BCAS3: variants seen among roughly 807,000 people sequenced by gnomAD.
The protein encoded by BCAS3 is BCAS3 microtubule associated cell migration factor, also known as BCAS4/BCAS3 fusion.
Under a neutral mutation model 116.1 loss-of-function variants are expected in BCAS3, and 53 were observed. The ratio of observed to expected loss-of-function variants is 0.46; its 90% CI spans 0.37 to 0.57. The LOEUF is 0.57. BCAS3 is among the 20% of genes least tolerant of loss of function. BCAS3 has a pLI of 0.00. For synonymous variants in BCAS3, 391 were observed against 408.2 expected (o/e 0.96, Z 0.51); for missense variants, 917 against 1,165.4 (o/e 0.79, Z 3.10).
intron 9 of BCAS3, among the ~76,000 whole-genome samples, chr17:60,880,094 C>A (rs916173278): frequency 2.0e-5 from 3 of 152,150 alleles, no homozygotes; most frequent in African/African-American, 7.2e-5. Context: ...TCATTCTCTG[C>A]ACACAATTCT....
chr17:60,722,057 G>T (rs1231056937), intron 5 of BCAS3, among the ~76,000 whole-genome samples: 1 of 151,968 alleles, frequency 6.6e-6, no homozygotes, highest in Non-Finnish European at 1.5e-5. Context: ...TTGCTGTGTT[G>T]TATCTATCAT....
At chr17:60,821,624 T>G (rs2049977216) in intron 7 of BCAS3, 1 of 152,206 alleles carries the variant, frequency 6.6e-6, no homozygotes, top group Non-Finnish European at 1.5e-5. Flanking sequence ...ATGTACTCTT[T>G]TTTTGTCTAG....
rs1478808454 is a variant in BCAS3 at position 61,034,688 on chromosome 17, A to G, written c.1660A>G (p.Ile554Val). Residue 554 changes from isoleucine to valine, a missense_variant, in exon 17 of 24, where the codon ATT becomes GTT. Physicochemically the swap from Ile to Val is conservative, Grantham distance 29 (BLOSUM62 3). Transcript: ENST00000407086. This position sits in a 1 kb window ranked among gnomAD's most constrained non-coding sequence, Gnocchi z 5.0. ...RTGKVKPPPQ[I>V]SPSKSMGGEF... The stretch of plus-strand genomic sequence containing the variant: ...AAGCAAAGTTAAACCTCCTCCACAA[A>G]TTTCACCCAGCAAATCGATGGGCGG... 2 of 1,609,712 alleles carry G rather than the reference A, an allele frequency of 1.2e-6. No individual in the cohort carries two copies. The highest frequency in any genetic ancestry group is 8.5e-7 in the Non-Finnish European group (1 of 1,177,400).
At position 61,134,088 on chromosome 17, in the gene BCAS3, G is replaced by C. The variant is rs2076487927; in HGVS notation, c.2425+49524G>C. Among the ~76,000 whole-genome samples the C allele has an allele frequency of 6.6e-6, 1 of 152,100 alleles. No homozygotes were observed. The highest frequency in any genetic ancestry group is 2.1e-4 in the South Asian group (1 of 4,832). ...GAGTCATATACAAAAAGGGAGGAGA[G>C]GTAGAGTTGGCCTGATGTGGAAAAT... On this transcript the variant is annotated intron_variant, in intron 22 of 23. Coordinates refer to ENST00000407086, the MANE Select transcript of BCAS3 (RefSeq NM_017679.5). This position sits in a 1 kb window ranked among gnomAD's most constrained non-coding sequence, Gnocchi z 4.6.
At chr17:61,154,002 G>A (rs7210145) in intron 22 of BCAS3, among the ~76,000 whole-genome samples, 130,784 of 152,214 alleles carry the variant, frequency 0.86, 59,649 homozygotes, top group East Asian at 1. Context: ...AAATTAAGAG[G>A]ATGGAGAAAA....
At chr17:60,986,344 C>T (rs146705969) in intron 14 of BCAS3, among the ~76,000 whole-genome samples, 3 of 152,060 alleles carry the variant, frequency 2.0e-5, no homozygotes, top group African/African-American at 7.2e-5. Flanking sequence ...TCCTTTCTTT[C>T]GAGTATATAC....
Position 61,361,072 on chromosome 17 carries a change from G to A in BCAS3, c.2426-7255G>A, listed in dbSNP as rs1254311541. On this transcript the variant is annotated intron_variant, in intron 22 of 23. Coordinates refer to ENST00000407086, the MANE Select transcript of BCAS3 (RefSeq NM_017679.5). This position sits in a 1 kb window ranked among gnomAD's most constrained non-coding sequence, Gnocchi z 6.5. ...TTTCTGGAAGTATACTATTGTTAACGACATTGAAACTATTAGTGCCAATGT... is the reference window on the plus strand; with the variant it reads ...TTTCTGGAAGTATACTATTGTTAACAACATTGAAACTATTAGTGCCAATGT... 2.0e-5 allele frequency among the ~76,000 whole-genome samples: 3 copies of A among 151,924 alleles called. No homozygotes were observed. The highest frequency in any genetic ancestry group is 2.9e-5 in the Non-Finnish European group (2 of 68,016).
At chr17:60,793,549 C>G (rs559636346) in intron 6 of BCAS3, among the ~76,000 whole-genome samples, 1 of 151,958 alleles carries the variant, frequency 6.6e-6, no homozygotes, top group Non-Finnish European at 1.5e-5. Flanking sequence ...TTATCCATCG[C>G]CCCCATCTCA....
At position 61,013,846 on chromosome 17, in the gene BCAS3, A is replaced by T. The variant is rs1220211194; in HGVS notation, c.1487-1905A>T. On this transcript the variant is annotated intron_variant, in intron 15 of 23. Coordinates refer to ENST00000407086, the MANE Select transcript of BCAS3 (RefSeq NM_017679.5). This position sits in a 1 kb window ranked among gnomAD's most constrained non-coding sequence, Gnocchi z 4.4. ...AACATTTGGTTAAGCCACTATCCTAATTCTGAAGCCACTGTCATCTTGTTA... is the reference window on the plus strand; with the variant it reads ...AACATTTGGTTAAGCCACTATCCTATTTCTGAAGCCACTGTCATCTTGTTA... 1.3e-5 allele frequency among the ~76,000 whole-genome samples: 2 copies of T among 152,132 alleles called. No individual in the cohort carries two copies. Among genetic ancestry groups the T allele is most frequent in the African/African-American group, 4.8e-5 (2 of 41,452 alleles).
At chr17:61,093,042 G>A (rs533248952) in intron 22 of BCAS3, among the ~76,000 whole-genome samples, 82 of 151,470 alleles carry the variant, frequency 5.4e-4, no homozygotes, top group African/African-American at 1.8e-3. Context: ...AAGTAGCTGG[G>A]ACTACAGGTG....
At chr17:61,240,899 G>A (rs9903589) in intron 22 of BCAS3, among the ~76,000 whole-genome samples, 6,042 of 152,290 alleles carry the variant, frequency 0.04, 358 homozygotes, top group African/African-American at 0.14. Context: ...ACCAAGGGCT[G>A]TTATTCTTAG....
At chr17:60,722,270 A>C (rs561563520) in intron 5 of BCAS3, among the ~76,000 whole-genome samples, 1 of 152,310 alleles carries the variant, frequency 6.6e-6, no homozygotes. Flanking sequence ...TTATTGTGTC[A>C]TAGGATAAGT....
At position 60,990,288 on chromosome 17, in the gene BCAS3, A is replaced by G. The variant is rs924817237; in HGVS notation, c.1486+53A>G. 1.3e-6 allele frequency: 2 copies of G among 1,571,614 alleles called. No homozygotes were observed. The highest frequency in any genetic ancestry group is 1.7e-6 in the Non-Finnish European group (2 of 1,150,852). On this transcript the variant is annotated intron_variant, in intron 15 of 23. Coordinates refer to ENST00000407086, the MANE Select transcript of BCAS3 (RefSeq NM_017679.5). This position sits in a 1 kb window ranked among gnomAD's most constrained non-coding sequence, Gnocchi z 5.1. Reference sequence around the variant, plus strand: ...TTGAATCTTCCTTCCCTTTGTCCTTATTTTTACAGATCTGGGATAAAACTA... The same window carrying G: ...TTGAATCTTCCTTCCCTTTGTCCTTGTTTTTACAGATCTGGGATAAAACTA...
intron 22 of BCAS3, among the ~76,000 whole-genome samples, chr17:61,121,789 G>A (rs1285285844): frequency 6.6e-6 from 1 of 152,200 alleles, no homozygotes; most frequent in African/African-American, 2.4e-5. Context: ...GGAGTGCAGT[G>A]GCATGATCTC....
chr17:60,906,702 G>T (rs2058208902), intron 11 of BCAS3, among the ~76,000 whole-genome samples: 1 of 152,028 alleles, frequency 6.6e-6, no homozygotes, highest in Non-Finnish European at 1.5e-5. Context: ...TTTCCTAGTT[G>T]TTCTCATTAG....
intron 22 of BCAS3, among the ~76,000 whole-genome samples, chr17:61,322,058 C>G (rs562097844): frequency 6.6e-6 from 1 of 151,980 alleles, no homozygotes; most frequent in Non-Finnish European, 1.5e-5. Context: ...CTCAGCCTCC[C>G]GAGTAGCTGG....
In BCAS3 at chr17:60,762,036, C is replaced by T. The variant is rs560982152; in HGVS notation, c.403+14757C>T. ...GAAGGGTCTGTTCATATCCTTTGCC[C>T]GCTTTTGGATGGGGTTGTTTGATTT... is the stretch of plus-strand genomic sequence containing the variant. On this transcript the variant is annotated intron_variant, in intron 6 of 23. Transcript: ENST00000407086. Among the ~76,000 whole-genome samples, 31 of 152,112 alleles carry T rather than the reference C, an allele frequency of 2.0e-4. 1 individual carries two copies. Among genetic ancestry groups the T allele is most frequent in the South Asian group, 1.9e-3 (9 of 4,826 alleles).
intron 14 of BCAS3, among the ~76,000 whole-genome samples, chr17:60,957,068 G>A (rs761194064): frequency 1.3e-5 from 2 of 152,132 alleles, no homozygotes; most frequent in Non-Finnish European, 2.9e-5. Context: ...AAGCACATAT[G>A]CAGTAAGAAA....
chr17:60,772,206 C>A (rs1283367584), intron 6 of BCAS3, among the ~76,000 whole-genome samples: 1 of 152,170 alleles, frequency 6.6e-6, no homozygotes, highest in Admixed American at 6.5e-5. Flanking sequence ...TCCACATCCT[C>A]TCCAGCACCT....
Sources: gnomAD v4.1 joint callset for allele counts (sites outside exome capture counted in the v4.1 genomes callset) on GRCh38, gnomAD v4.1.1 for gene constraint, Gnocchi (gnomAD v3.1) non-coding constraint, MANE v1.5 for transcripts, NCBI Gene and HGNC (gene_info 2026-07-23, HGNC 2026-07-21) for gene names.